LDHA: variants seen among roughly 807,000 people sequenced by gnomAD.
The protein encoded by LDHA is L-lactate dehydrogenase A chain.
A neutral mutation model predicts 36.3 loss-of-function variants in LDHA; 10 were observed. The observed-to-expected ratio is 0.28, with a 90% confidence interval of 0.17 to 0.47. The LOEUF (loss-of-function observed/expected upper bound fraction) is 0.47. Among genes scored for constraint, LDHA ranks in the 20% least tolerant of loss-of-function variants. The pLI is 0.99. For missense variants in LDHA, 267 were observed against 405.8 expected (o/e 0.66, Z 2.94); for synonymous variants, 110 against 136.7 (o/e 0.80, Z 1.36).
intron 4 of LDHA, among the ~76,000 whole-genome samples, chr11:18,401,473 C>CTTTTTTTTTTTTTTTTTTTTTTT (rs58157049): frequency 1.5e-5 from 1 of 68,588 alleles, no homozygotes; most frequent in Non-Finnish European, 2.6e-5. Context: ...ATTTATTTTT[C>CTTTTTTTTTTTTTTTTTTTTTTT]TTTTTTTTTT....
At chr11:18,401,189 GC>G (rs1290647267) in intron 4 of LDHA, among the ~76,000 whole-genome samples, 179 bp downstream of exon 4, 3 of 149,206 alleles carry the variant, frequency 2.0e-5, no homozygotes, top group Non-Finnish European at 3.0e-5. Flanking sequence ...TGCTCTTGTC[GC>G]CCAGGTTGGA....
At chr11:18,395,421 C>T (rs1866261516) in intron 1 of LDHA, 1 of 138,762 alleles carries the variant, frequency 7.2e-6, no homozygotes, top group African/African-American at 2.7e-5. Context: ...TCTCTCGCCT[C>T]TAGACGCACC....
intron 4 of LDHA, chr11:18,402,555 C>T (rs888771644): frequency 1.1e-4 from 40 of 365,308 alleles, no homozygotes; most frequent in African/African-American, 8.2e-4. Context: ...ACCTCAGCCT[C>T]CCAAAGTGTT....
intron 7 of LDHA, chr11:18,405,782 G>T: frequency 3.9e-6 from 2 of 509,378 alleles, no homozygotes; most frequent in Admixed American, 3.2e-5. Context: ...TTGATAATTT[G>T]ACTACAAAAA....
Position 18,408,143 on chromosome 11 carries a change from C to G in LDHA, c.*862C>G. ...CTGAATATAGGCAATGATAGTGTGTCACTATAGGGAACACAGATTTTTGAG... is the reference window on the plus strand; with the variant it reads ...CTGAATATAGGCAATGATAGTGTGTGACTATAGGGAACACAGATTTTTGAG... On this transcript the variant is annotated 3_prime_UTR_variant, in exon 8 of 8. Transcript: ENST00000422447. The G allele has an allele frequency of 6.6e-6, 3 of 454,046 alleles. No individual in the cohort carries two copies. The highest frequency in any genetic ancestry group is 1.3e-5 in the Non-Finnish European group (3 of 226,778). 28.1% of individuals were successfully genotyped at this position (454,046 alleles called of 1,614,324 possible).
At chr11:18,396,340 G>A in intron 1 of LDHA, 1 of 395,734 alleles carries the variant, frequency 2.5e-6, no homozygotes, top group Non-Finnish European at 4.5e-6. Context: ...TTCCGAGCGG[G>A]AAGGAGAGCC....
In LDHA at chr11:18,407,609, C is replaced by A; in HGVS notation, c.*328C>A. On this transcript the variant is annotated 3_prime_UTR_variant, in exon 8 of 8. Transcript: ENST00000422447. ...ATGTTTACCGTGTGTTATATAACTT[C>A]CTGGCTCCTTCACTGAACATGCCTA... 1 of 651,658 alleles carries A rather than the reference C, an allele frequency of 1.5e-6. No individual in the cohort carries two copies. 40.4% of individuals were successfully genotyped at this position (651,658 alleles called of 1,614,324 possible).
At chr11:18,403,125 G>A (rs1171043117) in intron 5 of LDHA, 112 bp downstream of exon 5, 5 of 881,100 alleles carry the variant, frequency 5.7e-6, no homozygotes, top group African/African-American at 1.7e-5. Context: ...GGATGGAATG[G>A]TTTCCCGAAA....
intron 6 of LDHA, among the ~76,000 whole-genome samples, chr11:18,405,153 A>G (rs955080192): frequency 2.0e-5 from 3 of 152,132 alleles, no homozygotes; most frequent in African/African-American, 4.8e-5. Flanking sequence ...ACAAGTAGCT[A>G]TAGTTTATTT....
intron 3 of LDHA, 160 bp downstream of exon 3, chr11:18,399,708 C>A: frequency 3.0e-6 from 2 of 668,836 alleles, no homozygotes; most frequent in Non-Finnish European, 2.7e-6. Context: ...TTCATTACCC[C>A]CTCCCCCTCA....
In LDHA at chr11:18,396,017, C is replaced by T. The variant is rs928608395; in HGVS notation, c.-24-802C>T. ...CTGGGAGGCTGCCAGCTAGGCTTCA[C>T]GTTGCTGGCGTCTGCTTCGGGGCAT... On this transcript the variant is annotated intron_variant, in intron 1 of 7. Coordinates refer to ENST00000422447, the MANE Select transcript of LDHA (RefSeq NM_005566.4). Among the ~76,000 whole-genome samples the T allele has an allele frequency of 3.3e-5, 5 of 152,258 alleles. No individual in the cohort carries two copies. In the East Asian group the frequency reaches 9.6e-4, roughly 29 times the overall value.
At chr11:18,400,087 G>A in intron 3 of LDHA, 1 of 184,410 alleles carries the variant, frequency 5.4e-6, no homozygotes, top group Non-Finnish European at 1.2e-5. Context: ...AGAATGTAAT[G>A]AGTAAAGCTT....
intron 3 of LDHA, 156 bp downstream of exon 3, chr11:18,399,704 A>C: frequency 3.0e-6 from 2 of 677,176 alleles, no homozygotes; most frequent in Non-Finnish European, 5.4e-6. Flanking sequence ...CCACTTCATT[A>C]CCCCCTCCCC....
intron 1 of LDHA, chr11:18,394,935 G>T: frequency 5.7e-6 from 2 of 348,342 alleles, no homozygotes; most frequent in Non-Finnish European, 1.1e-5. Flanking sequence ...TGCGGAACAA[G>T]GATATGATAG....
At chr11:18,398,629 T>TCC (rs1554960742) in intron 2 of LDHA, 1 of 87,612 alleles carries the variant, frequency 1.1e-5, no homozygotes, top group Non-Finnish European at 2.2e-5. Flanking sequence ...TTTTTTTTTT[T>TCC]CTGAGAAGGA....
chr11:18,403,255 C>T (rs1482027595), intron 5 of LDHA, among the ~76,000 whole-genome samples: 1 of 152,114 alleles, frequency 6.6e-6, no homozygotes. Context: ...TATCTTAAGA[C>T]TGTAGTTCTT....
At chr11:18,405,647 T>G (rs557288314) in intron 7 of LDHA, 75 bp downstream of exon 7, 2 of 1,479,056 alleles carry the variant, frequency 1.4e-6, no homozygotes, top group African/African-American at 2.8e-5. Flanking sequence ...CTGAGAAAGA[T>G]TAATACAAGT....
At chr11:18,404,560 G>A (rs1334889588) in intron 6 of LDHA, among the ~76,000 whole-genome samples, 1 of 152,136 alleles carries the variant, frequency 6.6e-6, no homozygotes, top group Non-Finnish European at 1.5e-5. Flanking sequence ...TGTAATCCCA[G>A]CACTTTGGGA....
chr11:18,400,231 C>T lies in LDHA; in HGVS notation c.245-606C>T, dbSNP rs1866432857. 7.5e-5 allele frequency: 15 copies of T among 200,018 alleles called. No individual in the cohort carries two copies. The South Asian group carries it at 1.3e-3, about 17-fold the overall frequency. The allele number at this position is 200,018 out of a possible 1,614,324, so 12.4% of individuals were successfully genotyped here. On this transcript the variant is annotated intron_variant, in intron 3 of 7. Transcript: ENST00000422447. ...CTTGGCTTGACCCTTTCACACTTAACAGCACCAGCCAAGAAACCTGAATGT... is the reference window on the plus strand; with the variant it reads ...CTTGGCTTGACCCTTTCACACTTAATAGCACCAGCCAAGAAACCTGAATGT...
Sources: allele counts gnomAD v4.1 joint callset (sites outside exome capture counted in the v4.1 genomes callset), GRCh38; gene constraint gnomAD v4.1.1; transcripts MANE v1.5; gene names NCBI Gene and HGNC (gene_info 2026-07-23, HGNC 2026-07-21).